Variants in ARHGEF16 observed in about 807,000 individuals in gnomAD.
The protein encoded by ARHGEF16 is Rho guanine nucleotide exchange factor 16.
A neutral mutation model predicts 74.1 loss-of-function variants in ARHGEF16; 59 were observed. That is an observed-to-expected ratio of 0.80 (90% CI 0.65 to 0.99). The LOEUF is 0.99. Among genes scored for constraint, ARHGEF16 ranks in the 50% least tolerant of loss-of-function variants. The pLI, the probability that ARHGEF16 is intolerant of heterozygous loss-of-function variation, is 0.00. For synonymous variants in ARHGEF16, 415 were observed against 412.6 expected, an observed-to-expected ratio of 1.01 and a Z score of -0.07; for missense variants, 948 against 986.6, an observed-to-expected ratio of 0.96 and a Z score of 0.52.
chr1:3,471,378 G>A (rs942413654), intron 6 of ARHGEF16, among the ~76,000 whole-genome samples: 2 of 152,168 alleles, frequency 1.3e-5, no homozygotes, highest in South Asian at 2.1e-4. Flanking sequence ...CGCCCCTGGC[G>A]AGTCCCACCC....
intron 2 of ARHGEF16, among the ~76,000 whole-genome samples, chr1:3,464,926 G>A (rs2493252): frequency 0.067 from 10,127 of 152,266 alleles, 560 homozygotes; most frequent in East Asian, 0.21. Flanking sequence ...TCCCATGGGC[G>A]TCCACTGCAG....
intron 6 of ARHGEF16, chr1:3,471,659 T>C: frequency 2.4e-6 from 3 of 1,229,804 alleles, no homozygotes; most frequent in Non-Finnish European, 3.2e-6. Context: ...GGCAGCTGCA[T>C]GTTTGCCTCT....
chr1:3,466,284 G>T, intron 3 of ARHGEF16, 91 bp downstream of exon 3: 1 of 1,362,680 alleles, frequency 7.3e-7, no homozygotes, highest in Non-Finnish European at 9.9e-7. Flanking sequence ...GCCTCAGTTT[G>T]GTGTCTCGGG....
chr1:3,458,938 G>C (rs1224639043), intron 1 of ARHGEF16, among the ~76,000 whole-genome samples: 1 of 152,206 alleles, frequency 6.6e-6, no homozygotes, highest in African/African-American at 2.4e-5. Flanking sequence ...TCCAAGTAGA[G>C]AAAACCTCAC....
At chr1:3,467,007 T>C (rs1639564922) in intron 3 of ARHGEF16, 161 bp from the exon 4 acceptor site, 4 of 725,522 alleles carry the variant, frequency 5.5e-6, no homozygotes, top group Admixed American at 3.0e-5. Flanking sequence ...AGGAGAGGTC[T>C]TGGGACTGGT....
At chr1:3,474,238 C>G (rs544734465) in intron 8 of ARHGEF16, 1 of 206,364 alleles carries the variant, frequency 4.8e-6, no homozygotes, top group Admixed American at 5.2e-5. Flanking sequence ...GATGCACACA[C>G]ATGCATGCAC....
chr1:3,478,664 A>C, intron 12 of ARHGEF16, 52 bp downstream of exon 12: 417 of 1,537,162 alleles, frequency 2.7e-4, no homozygotes, highest in Non-Finnish European at 3.3e-4. Flanking sequence ...CATTAGCTCC[A>C]TGGGGACCGG....
At chr1:3,478,319 C>A (rs371581496) in intron 11 of ARHGEF16, 105 bp from the exon 12 acceptor site, 3 of 1,271,368 alleles carry the variant, frequency 2.4e-6, no homozygotes, top group Non-Finnish European at 3.3e-6. Context: ...TCCGTGGCTG[C>A]CTCCCCACCA....
intron 1 of ARHGEF16, among the ~76,000 whole-genome samples, chr1:3,457,591 G>A (rs1180654131): frequency 4.1e-5 from 6 of 145,704 alleles, no homozygotes; most frequent in African/African-American, 1.1e-4. Flanking sequence ...GCAGGAGGGC[G>A]GGGCTACAGA....
rs750937556 is a variant in ARHGEF16 at position 3,474,780 on chromosome 1, A to C, written c.1378A>C (p.Lys460Gln). The change falls in exon 9 of 15, where the codon AAG (lysine) becomes CAG (glutamine). Residue 460 changes from lysine to glutamine, a missense_variant and splice_region_variant. Lys to Gln is a moderately conservative substitution (Grantham distance 53). Transcript: ENST00000378378. The part of the protein sequence containing the change: ...AASRALKAIS[K>Q]LVRQCNEGAH... ...CAGCCGTGCACTGAAGGCCATCAGC[A>C]AGGTAAGATGGGGCCTGGCCCCAGC... 6.2e-7 allele frequency: 1 copy of C among 1,612,846 alleles called. No individual in the cohort carries two copies. Among genetic ancestry groups the C allele is most frequent in the Non-Finnish European group, 8.5e-7 (1 of 1,179,932 alleles).
At chr1:3,469,740 A>C (rs1467958978) in intron 6 of ARHGEF16, 147 bp downstream of exon 6, 1 of 1,173,346 alleles carries the variant, frequency 8.5e-7, no homozygotes, top group African/African-American at 1.5e-5. Context: ...GCTCCCGCGG[A>C]GTGTGATGAC....
chr1:3,471,853 C>T, intron 6 of ARHGEF16: 1 of 1,036,292 alleles, frequency 9.6e-7, no homozygotes, highest in South Asian at 3.0e-5. Flanking sequence ...CCCATATGAG[C>T]TGCTGACCGG....
chr1:3,455,372 C>T (rs1366185457), intron 1 of ARHGEF16, among the ~76,000 whole-genome samples: 1 of 152,044 alleles, frequency 6.6e-6, no homozygotes, highest in Non-Finnish European at 1.5e-5. Flanking sequence ...CCACCCTTGA[C>T]CTTGGTGGGC....
At chr1:3,455,493 C>G (rs989380248) in intron 1 of ARHGEF16, among the ~76,000 whole-genome samples, 19 of 152,166 alleles carry the variant, frequency 1.2e-4, no homozygotes, top group African/African-American at 4.6e-4. Context: ...CGCTCAGCCT[C>G]TTTCTGCGTC....
chr1:3,478,185 C>A, intron 11 of ARHGEF16, 159 bp downstream of exon 11: 2 of 1,102,696 alleles, frequency 1.8e-6, no homozygotes, highest in African/African-American at 1.6e-5. Context: ...CACTCGGGGG[C>A]AGGTGGCGCT....
Position 3,479,528 on chromosome 1 carries a change from C to T in ARHGEF16, c.1826C>T (p.Ala609Val). The change falls in exon 13 of 15, where the codon GCA becomes GTA. Residue 609 changes from alanine to valine, a missense_variant. Ala to Val is a moderately conservative substitution (Grantham distance 64). Transcript: ENST00000378378. ...LLSSDSASDR[A>V]RWIVALTHSE... is the part of the protein sequence containing the mutation. ...TCTCTGGTCCCCAGGAGTGACCGGG[C>T]ACGGTGGATCGTGGCGCTCACACAC... 6.2e-7 allele frequency: 1 copy of T among 1,612,616 alleles called. No individual in the cohort carries two copies. Among genetic ancestry groups the T allele is most frequent in the Non-Finnish European group, 8.5e-7 (1 of 1,179,878 alleles).
chr1:3,468,513 T>C (rs749361061), intron 4 of ARHGEF16: 19 of 309,854 alleles, frequency 6.1e-5, no homozygotes, highest in Non-Finnish European at 1.0e-4. Flanking sequence ...TGAGTCACAG[T>C]CCTGCCCTCC....
At chr1:3,471,651 C>CAGCT in intron 6 of ARHGEF16, 1 of 1,225,300 alleles carries the variant, frequency 8.2e-7, no homozygotes, top group Middle Eastern at 2.4e-4. Flanking sequence ...CTGCCTCAGG[C>CAGCT]AGCTGCATGT....
intron 6 of ARHGEF16, 165 bp from the exon 7 acceptor site, chr1:3,472,913 G>C: frequency 6.3e-4 from 100 of 158,300 alleles, no homozygotes; most frequent in South Asian, 4.4e-3. Flanking sequence ...TCCCAGGTCC[G>C]GGTCCCGCCC....
Sources: gnomAD v4.1 joint callset for allele counts (sites outside exome capture counted in the v4.1 genomes callset) on GRCh38, gnomAD v4.1.1 for gene constraint, MANE v1.5 for transcripts, NCBI Gene and HGNC (gene_info 2026-07-23, HGNC 2026-07-21) for gene names.